The following NHS variants were observed in gnomAD, a reference collection of about 807,000 sequenced individuals.
NHS encodes the protein actin remodeling regulator NHS.
A neutral mutation model predicts 72.5 loss-of-function variants in NHS; 5 were observed. That is an observed-to-expected ratio of 0.07 (90% CI 0.04 to 0.14). The LOEUF (loss-of-function observed/expected upper bound fraction) is 0.14. NHS is among the 10% of genes least tolerant of loss of function. The pLI is 1.00. For missense variants in NHS, 1,072 were observed against 1,355.7 expected (o/e 0.79, Z 3.29); for synonymous variants, 464 against 547.7 (o/e 0.85, Z 2.13).
chrX:17,412,042 G>T (rs910105228), intron 1 of NHS, among the ~76,000 whole-genome samples: 10 of 110,776 alleles, frequency 9.0e-5, no homozygotes, highest in Non-Finnish European at 1.5e-4. Flanking sequence ...GACATAGAAT[G>T]AAGTGATAAA....
At chrX:17,665,156 T>C (rs1334858066) in intron 1 of NHS, among the ~76,000 whole-genome samples, 2 of 109,216 alleles carry the variant, frequency 1.8e-5, no homozygotes, top group Non-Finnish European at 3.8e-5. Flanking sequence ...CAGTTTTTTG[T>C]AGATTCCATA....
chrX:17,688,002 T>A, intron 2 of NHS, 108 bp downstream of exon 2: 1 of 871,786 alleles, frequency 1.1e-6, no homozygotes. Context: ...TTATAGCAAG[T>A]ACTTTGAAAT....
chrX:17,669,098 A>G (rs1220612173), intron 1 of NHS, among the ~76,000 whole-genome samples: 3 of 112,008 alleles, frequency 2.7e-5, no homozygotes, highest in African/African-American at 9.8e-5. Context: ...CAACCCCATC[A>G]CGCTTTATCA....
At chrX:17,648,626 G>A (rs2065916892) in intron 1 of NHS, among the ~76,000 whole-genome samples, 2 of 112,433 alleles carry the variant, frequency 1.8e-5, no homozygotes, top group Admixed American at 1.9e-4. Context: ...CAATAGTAGG[G>A]TAACTCTCCT....
At chrX:17,716,550 A>G (rs1256612404) in intron 3 of NHS, among the ~76,000 whole-genome samples, 1 of 110,815 alleles carries the variant, frequency 9.0e-6, no homozygotes, top group African/African-American at 3.3e-5. Context: ...TTTAGGAGAG[A>G]ACCAGGTTAG....
intron 1 of NHS, among the ~76,000 whole-genome samples, chrX:17,395,438 T>C (rs1321181253): frequency 8.9e-6 from 1 of 112,208 alleles, no homozygotes; most frequent in South Asian, 3.7e-4. Context: ...TCATTCACTA[T>C]AGCAGGAGTC....
chrX:17,716,946 G>C (rs897494815), intron 3 of NHS, among the ~76,000 whole-genome samples: 1 of 106,923 alleles, frequency 9.4e-6, no homozygotes, highest in Non-Finnish European at 1.9e-5. Flanking sequence ...CTGAGATCTT[G>C]AGCATTCCCC....
At chrX:17,580,319 A>AAT (rs1312602332) in intron 1 of NHS, among the ~76,000 whole-genome samples, 1 of 111,548 alleles carries the variant, frequency 9.0e-6, no homozygotes, top group Non-Finnish European at 1.9e-5. Flanking sequence ...TTCAGCTGCT[A>AAT]ATTTTCATTA....
chrX:17,431,821 G>A (rs925996645), intron 1 of NHS, among the ~76,000 whole-genome samples: 4 of 111,910 alleles, frequency 3.6e-5, no homozygotes, highest in Admixed American at 1.9e-4. Context: ...TTTCCATGAC[G>A]CAAGCAGAGC....
intron 4 of NHS, among the ~76,000 whole-genome samples, chrX:17,720,168 G>C (rs1174942638): frequency 1.8e-5 from 2 of 111,477 alleles, no homozygotes; most frequent in African/African-American, 6.5e-5. Flanking sequence ...TTTTCCCAAG[G>C]GGGGAGTCAT....
chrX:17,634,089 AG>A (rs1433905530), intron 1 of NHS, among the ~76,000 whole-genome samples: 2 of 111,523 alleles, frequency 1.8e-5, no homozygotes, highest in Non-Finnish European at 3.8e-5. Flanking sequence ...TGCTAAAGGG[AG>A]GGGATCAGTG....
In NHS at chrX:17,404,801, CTG is replaced by C. The variant is rs772490315; in HGVS notation, c.565+28481_565+28482del. On this transcript the variant is annotated intron_variant, in intron 1 of 8. Transcript: ENST00000676302. The stretch of plus-strand genomic sequence containing the variant: ...CATTGAGTTAGTTGCCCGTAACACT[CTG>C]TCTCTCTCTCTCTCTCTCTCTCTCT... Among the ~76,000 whole-genome samples, 1,033 of 105,972 alleles carry C rather than the reference CTG, an allele frequency of 9.7e-3. 12 individuals are homozygous for C. The highest frequency in any genetic ancestry group is 0.036 in the African/African-American group (969 of 27,260). The allele number at this position is 105,972 out of a possible 115,157, so 92.0% of individuals were successfully genotyped here. A position where few individuals can be genotyped will look rare whatever the true frequency, so the allele number is the denominator to read the frequency against.
chrX:17,534,293 G>T, intron 1 of NHS, among the ~76,000 whole-genome samples: 1 of 112,166 alleles, frequency 8.9e-6, no homozygotes, highest in Non-Finnish European at 1.9e-5. Flanking sequence ...AATGCCTCCT[G>T]AAGAAGAAGG....
At chrX:17,377,102 A>G (rs779891500) in intron 1 of NHS, among the ~76,000 whole-genome samples, 1 of 111,753 alleles carries the variant, frequency 8.9e-6, no homozygotes, top group East Asian at 2.9e-4. Context: ...CTGCCCGCAG[A>G]GGATCCCACA....
At chrX:17,422,291 A>G (rs2064627881) in intron 1 of NHS, among the ~76,000 whole-genome samples, 1 of 112,054 alleles carries the variant, frequency 8.9e-6, no homozygotes, top group Admixed American at 9.5e-5. Context: ...AACTATCAGG[A>G]TTCTACTTAG....
intron 1 of NHS, among the ~76,000 whole-genome samples, chrX:17,451,262 C>G (rs1344489086): frequency 8.9e-6 from 1 of 111,942 alleles, no homozygotes; most frequent in East Asian, 2.8e-4. Context: ...TAGTGCTGAG[C>G]TAGACCTTCC....
At chrX:17,682,325 A>G (rs1379826293) in intron 1 of NHS, among the ~76,000 whole-genome samples, 10 of 111,535 alleles carry the variant, frequency 9.0e-5, no homozygotes, top group African/African-American at 3.3e-4. Flanking sequence ...CAAACTGGCT[A>G]TGTATCTGTG....
chrX:17,530,322 G>A (rs1179687510), intron 1 of NHS, among the ~76,000 whole-genome samples: 1 of 111,367 alleles, frequency 9.0e-6, no homozygotes, highest in Admixed American at 9.5e-5. Flanking sequence ...ACTTTAATGT[G>A]GAGGAAATTC....
chrX:17,515,330 C>T (rs1405658899), intron 1 of NHS, among the ~76,000 whole-genome samples: 2 of 111,104 alleles, frequency 1.8e-5, no homozygotes, highest in East Asian at 5.6e-4. Flanking sequence ...GGGAGTATTC[C>T]ATTGTGCCAT....
Sources: allele counts gnomAD v4.1 joint callset (sites outside exome capture counted in the v4.1 genomes callset), GRCh38; gene constraint gnomAD v4.1.1; transcripts MANE v1.5; gene names NCBI Gene and HGNC (gene_info 2026-07-23, HGNC 2026-07-21).